Variants in FAM135A observed in about 807,000 individuals in gnomAD.
The protein encoded by FAM135A is family with sequence similarity 135 member A.
In FAM135A, 79 loss-of-function variants were observed where a neutral mutation model predicts 146.8. That is an observed-to-expected ratio of 0.54 (90% CI 0.45 to 0.65). FAM135A has a LOEUF of 0.65. FAM135A is among the 30% of genes least tolerant of loss of function. The pLI, the probability that FAM135A is intolerant of heterozygous loss-of-function variation, is 0.00. For missense variants in FAM135A, 1,623 were observed against 1,758.2 expected, an observed-to-expected ratio of 0.92 and a Z score of 1.38; for synonymous variants, 562 against 603.6, an observed-to-expected ratio of 0.93 and a Z score of 1.01.
At chr6:70,458,385 T>C (rs1416292368) in intron 5 of FAM135A, among the ~76,000 whole-genome samples, 2 of 152,228 alleles carry the variant, frequency 1.3e-5, no homozygotes, top group African/African-American at 4.8e-5. Flanking sequence ...ATGTATTTTA[T>C]TTTTAATTCT....
chr6:70,435,688 C>T (rs906405210), intron 4 of FAM135A, among the ~76,000 whole-genome samples: 2 of 152,052 alleles, frequency 1.3e-5, no homozygotes, highest in African/African-American at 4.8e-5. Context: ...CCCTGTAACA[C>T]AGTTTTTAAC....
At chr6:70,482,228 T>A in intron 10 of FAM135A, 74 bp downstream of exon 10, 1 of 1,452,534 alleles carries the variant, frequency 6.9e-7, no homozygotes, top group Non-Finnish European at 9.2e-7. Flanking sequence ...AGCTATCAGC[T>A]TTGCCATAGT....
chr6:70,530,716 G>A (rs1456638515), intron 16 of FAM135A, among the ~76,000 whole-genome samples: 3 of 152,132 alleles, frequency 2.0e-5, no homozygotes, highest in Non-Finnish European at 4.4e-5. Context: ...CTGAGCCGCT[G>A]CACTCTAGCC....
At chr6:70,434,502 A>G (rs769886073) in intron 4 of FAM135A, among the ~76,000 whole-genome samples, 90 of 151,758 alleles carry the variant, frequency 5.9e-4, no homozygotes, top group Admixed American at 1.8e-3. Flanking sequence ...TTTTGCTACC[A>G]AAAAAAAGTT....
Position 70,559,696 on chromosome 6 carries a change from T to G in FAM135A, c.4343-20T>G. 3 of 1,571,250 alleles carry G rather than the reference T, an allele frequency of 1.9e-6. No individual in the cohort carries two copies. Among genetic ancestry groups the G allele is most frequent in the Non-Finnish European group, 2.6e-6 (3 of 1,156,240 alleles). ...GTTACTATTGTGAACTAATTTTCCT[T>G]TTTTCTGTTGGTTCCATAGGACAGA... On this transcript the variant is annotated intron_variant, in intron 21 of 21. Transcript: ENST00000418814.
chr6:70,533,756 G>C lies in FAM135A; in HGVS notation c.3868-1G>C. On this transcript the variant is annotated splice_acceptor_variant, in intron 17 of 21. Transcript: ENST00000418814. LOFTEE classifies it high-confidence loss of function. ...ATGTATGTGCTTTGCTTTCTTTTTA[G>C]AATGATACTTTTGCTGATTTTGATA... 6.4e-7 allele frequency: 1 copy of C among 1,560,914 alleles called. No individual in the cohort carries two copies. The highest frequency in any genetic ancestry group is 8.7e-7 in the Non-Finnish European group (1 of 1,150,694).
intron 4 of FAM135A, among the ~76,000 whole-genome samples, chr6:70,434,088 T>C (rs1287539742): frequency 6.6e-6 from 1 of 152,214 alleles, no homozygotes; most frequent in Non-Finnish European, 1.5e-5. Flanking sequence ...AAATGAGTAA[T>C]ATAAATTATC....
intron 11 of FAM135A, among the ~76,000 whole-genome samples, chr6:70,496,584 C>T (rs1189905399): frequency 6.6e-6 from 1 of 152,066 alleles, no homozygotes; most frequent in Non-Finnish European, 1.5e-5. Flanking sequence ...CCCATCATGC[C>T]CGTGTCCTGA....
Position 70,523,949 on chromosome 6 carries a change from T to C in FAM135A, c.1104-18T>C. The C allele has an allele frequency of 1.9e-6, 3 of 1,591,704 alleles. No homozygotes were observed. The highest frequency in any genetic ancestry group is 2.6e-6 in the Non-Finnish European group (3 of 1,174,322). On this transcript the variant is annotated intron_variant, in intron 13 of 21. Coordinates refer to ENST00000418814, the MANE Select transcript of FAM135A (RefSeq NM_001162529.3). The stretch of plus-strand genomic sequence containing the variant: ...TAATTTTTCTAAATTACAATCTGAC[T>C]GAAGAAATATTTTTCAGTGCTCAGA...
At chr6:70,558,300 A>G (rs1025435434) in intron 21 of FAM135A, among the ~76,000 whole-genome samples, 4 of 152,172 alleles carry the variant, frequency 2.6e-5, no homozygotes, top group African/African-American at 9.7e-5. Context: ...TTCCTCAGGC[A>G]GCATCCTACC....
chr6:70,486,892 A>G (rs1246633418), intron 10 of FAM135A, among the ~76,000 whole-genome samples: 1 of 152,026 alleles, frequency 6.6e-6, no homozygotes, highest in Non-Finnish European at 1.5e-5. Context: ...GTGCCATTGC[A>G]CTCCAGCCTA....
At chr6:70,442,459 A>T (rs79615004) in intron 4 of FAM135A, among the ~76,000 whole-genome samples, 1 of 152,124 alleles carries the variant, frequency 6.6e-6, no homozygotes, top group Admixed American at 6.5e-5. Flanking sequence ...TGTAAAGTCC[A>T]CTATATTGAG....
Position 70,436,499 on chromosome 6 carries a change from A to G in FAM135A, c.77+8080A>G, listed in dbSNP as rs143184964. ...CTCATTTTTTAATCTGTGCTATGGT[A>G]TAGGGGTACATTTAGTCTGAATCAG... On this transcript the variant is annotated intron_variant, in intron 4 of 21. Transcript: ENST00000418814. Among the ~76,000 whole-genome samples the G allele has an allele frequency of 2.6e-4, 40 of 152,202 alleles. 1 individual carries two copies. In the East Asian group the frequency reaches 7.1e-3, roughly 27 times the overall value.
At position 70,426,514 on chromosome 6, in the gene FAM135A, G is replaced by T. The variant is rs1490728954; in HGVS notation, c.-58G>T. The T allele has an allele frequency of 6.6e-6, 1 of 152,134 alleles. No individual in the cohort carries two copies. Among genetic ancestry groups the T allele is most frequent in the Non-Finnish European group, 1.5e-5 (1 of 68,032 alleles). 9.4% of individuals were successfully genotyped at this position (152,134 alleles called of 1,614,324 possible). A position where few individuals can be genotyped will look rare whatever the true frequency, so the allele number is the denominator to read the frequency against. ...TTGGTTATTTAATAATGTTAAAAATGAGGCTTTGAAAAGCAGAGGTAAGAA... is the reference window on the plus strand; with the variant it reads ...TTGGTTATTTAATAATGTTAAAAATTAGGCTTTGAAAAGCAGAGGTAAGAA... On this transcript the variant is annotated 5_prime_UTR_variant, in exon 3 of 22. The change abolishes an upstream ATG in the 5' untranslated region. Coordinates refer to ENST00000418814, the MANE Select transcript of FAM135A (RefSeq NM_001162529.3).
intron 2 of FAM135A, among the ~76,000 whole-genome samples, chr6:70,422,440 G>A (rs1015789087): frequency 2.6e-5 from 4 of 152,008 alleles, no homozygotes; most frequent in African/African-American, 9.7e-5. Flanking sequence ...CTTCTGTTAG[G>A]CAGAGGGGAG....
chr6:70,487,051 C>T (rs1784809640), intron 10 of FAM135A, among the ~76,000 whole-genome samples: 1 of 133,288 alleles, frequency 7.5e-6, no homozygotes, highest in South Asian at 2.3e-4. Context: ...CCACTGCACT[C>T]CAGCCTGGGC....
intron 21 of FAM135A, among the ~76,000 whole-genome samples, chr6:70,558,606 C>T (rs1801356645): frequency 6.6e-6 from 1 of 151,920 alleles, no homozygotes; most frequent in Non-Finnish European, 1.5e-5. Flanking sequence ...GTCCAGGACT[C>T]TGAGACTAGC....
intron 15 of FAM135A, 96 bp downstream of exon 15, chr6:70,526,794 CACACACACAT>C (rs1794826634): frequency 1.3e-6 from 1 of 765,742 alleles, no homozygotes. Flanking sequence ...CACACACACA[CACACACACAT>C]ATATATATAA....
intron 4 of FAM135A, among the ~76,000 whole-genome samples, chr6:70,429,986 T>C (rs564662158): frequency 8.3e-4 from 127 of 152,272 alleles, no homozygotes; most frequent in African/African-American, 3.0e-3. Flanking sequence ...ATATGGTCTC[T>C]AATTTCTTAG....
Sources: gnomAD v4.1 joint callset for allele counts (sites outside exome capture counted in the v4.1 genomes callset) on GRCh38, gnomAD v4.1.1 for gene constraint, MANE v1.5 for transcripts, NCBI Gene and HGNC (gene_info 2026-07-23, HGNC 2026-07-21) for gene names.